CCDC180: variants seen among roughly 807,000 people sequenced by gnomAD.
CCDC180 encodes the protein coiled-coil domain-containing protein 180.
CCDC180 carries 154 observed loss-of-function variants against 209.2 expected under a neutral mutation model. That is an observed-to-expected ratio of 0.74 (90% confidence interval 0.65 to 0.84). The LOEUF (loss-of-function observed/expected upper bound fraction) is 0.84. Among genes scored for constraint, CCDC180 ranks in the 40% least tolerant of loss-of-function variants. The probability of loss-of-function intolerance (pLI) is 0.00; values close to 1 mark genes in which losing one functional copy is unlikely to be tolerated. For synonymous variants in CCDC180, 778 were observed against 749.1 expected (o/e 1.04, Z -0.63); for missense variants, 1,874 against 1,997.3 (o/e 0.94, Z 1.18).
chr9:97,350,402 C>T lies in CCDC180; in HGVS notation c.2856-7C>T. The T allele has an allele frequency of 2.0e-6, 3 of 1,535,100 alleles. No individual in the cohort carries two copies. The highest frequency in any genetic ancestry group is 1.2e-5 in the South Asian group (1 of 83,964). On this transcript the variant is annotated splice_polypyrimidine_tract_variant and splice_region_variant and intron_variant, in intron 21 of 36. Transcript: ENST00000529487. Reference sequence around the variant, plus strand: ...TCACTGTCCTGTTCCTCCTCTGTCTCCCACAGGCTGGTCACTCTCAGCAAC... The same window carrying T: ...TCACTGTCCTGTTCCTCCTCTGTCTTCCACAGGCTGGTCACTCTCAGCAAC...
chr9:97,364,331 T>C, intron 29 of CCDC180: 1 of 517,188 alleles, frequency 1.9e-6, no homozygotes, highest in East Asian at 3.6e-5. Context: ...TTCATCAACA[T>C]TTCACATTTT....
intron 8 of CCDC180, among the ~76,000 whole-genome samples, chr9:97,315,887 A>T (rs1160721409): frequency 6.6e-6 from 1 of 152,220 alleles, no homozygotes; most frequent in Non-Finnish European, 1.5e-5. Context: ...TCCACTTACG[A>T]TAGGGTCACA....
At chr9:97,369,145 G>A (rs1300612696) in intron 31 of CCDC180, 2 of 152,114 alleles carry the variant, frequency 1.3e-5, no homozygotes, top group Non-Finnish European at 2.9e-5. Flanking sequence ...TTGGTGAACT[G>A]GAAGGCAAAT....
chr9:97,309,690 A>G, intron 3 of CCDC180, 86 bp downstream of exon 3: 1 of 1,134,516 alleles, frequency 8.8e-7, no homozygotes, highest in Non-Finnish European at 1.2e-6. Context: ...CAAGATGAGT[A>G]GCCTGTAGGA....
rs1447853658 is a variant in CCDC180, at chr9:97,330,213, A to G, written c.1828+20A>G. ...AACCAGGTAACACTTTTTCAATTCA[A>G]GTTTTATTCTCCCAGACTTCACTCT... is the stretch of plus-strand genomic sequence containing the variant. On this transcript the variant is annotated intron_variant, in intron 17 of 36. Transcript: ENST00000529487. The G allele has an allele frequency of 1.2e-6, 2 of 1,613,542 alleles. No individual in the cohort carries two copies. The highest frequency in any genetic ancestry group is 1.7e-6 in the Non-Finnish European group (2 of 1,179,736).
In CCDC180 at chr9:97,309,531, A is replaced by G. The variant is rs761850815; in HGVS notation, c.187A>G (p.Met63Val). ...KKVETPEGEV[M>V]SPRQQKWMHS... ...GGTGGAGACTCCTGAAGGGGAGGTGATGTCTCCCCGACAGCAGAAGTGGAT... is the reference window on the plus strand; with the variant it reads ...GGTGGAGACTCCTGAAGGGGAGGTGGTGTCTCCCCGACAGCAGAAGTGGAT... The change falls in exon 3 of 37, where the codon ATG (methionine) becomes GTG (valine). Residue 63 changes from methionine to valine, a missense_variant. Transcript: ENST00000529487. 2 of 1,600,816 alleles carry G rather than the reference A, an allele frequency of 1.2e-6. No homozygotes were observed. Among genetic ancestry groups the G allele is most frequent in the Non-Finnish European group, 1.7e-6 (2 of 1,174,270 alleles).
intron 8 of CCDC180, among the ~76,000 whole-genome samples, chr9:97,316,794 G>A (rs1833187371): frequency 6.6e-6 from 1 of 152,186 alleles, no homozygotes; most frequent in Non-Finnish European, 1.5e-5. Context: ...CAAACCATCT[G>A]AAGTGACCTT....
At chr9:97,327,270 C>T (rs1318146098) in intron 15 of CCDC180, among the ~76,000 whole-genome samples, 1 of 152,174 alleles carries the variant, frequency 6.6e-6, no homozygotes, top group Non-Finnish European at 1.5e-5. Context: ...TTCCTGCCCA[C>T]TTTTCCTTTT....
chr9:97,336,221 T>A (rs976680818), intron 18 of CCDC180, among the ~76,000 whole-genome samples: 2 of 152,210 alleles, frequency 1.3e-5, no homozygotes, highest in African/African-American at 2.4e-5. Flanking sequence ...GGTGTTTTAG[T>A]CATGAAGTCC....
Position 97,326,682 on chromosome 9 carries a change from G to C in CCDC180, c.1661+13G>C. 6.6e-7 allele frequency: 1 copy of C among 1,510,076 alleles called. No individual in the cohort carries two copies. Among genetic ancestry groups the C allele is most frequent in the Non-Finnish European group, 9.2e-7 (1 of 1,084,982 alleles). 93.5% of individuals were successfully genotyped at this position (1,510,076 alleles called of 1,614,324 possible). On this transcript the variant is annotated intron_variant, in intron 15 of 36. Coordinates refer to ENST00000529487, the MANE Select transcript of CCDC180 (RefSeq NM_020893.6). ...ACATGAAATCCAGGTAGGCCAACCA[G>C]ACTCCAGAAGGCAGGAAGGGATGGT...
chr9:97,376,533 C>T, intron 36 of CCDC180: 1 of 445,844 alleles, frequency 2.2e-6, no homozygotes, highest in Non-Finnish European at 4.1e-6. Flanking sequence ...GCTCAGCCTC[C>T]TTCTAGCTGG....
At position 97,314,513 on chromosome 9, in the gene CCDC180, A is replaced by G; in HGVS notation, c.580A>G (p.Thr194Ala). The change falls in exon 6 of 37, where the codon ACC (threonine) becomes GCC (alanine). Residue 194 changes from threonine to alanine, a missense_variant. Physicochemically the swap from Thr to Ala is moderately conservative, Grantham distance 58 (BLOSUM62 0). Transcript: ENST00000529487. ...AAATGACACCAACCTTGAGGACTAC[A>G]CCATCCAAGTAGGGGTCCCTTCGTG... ...VENDTNLEDY[T>A]IQALLELWDK... 3 of 1,614,102 alleles carry G rather than the reference A, an allele frequency of 1.9e-6. No individual in the cohort carries two copies. The highest frequency in any genetic ancestry group is 2.5e-6 in the Non-Finnish European group (3 of 1,180,016).
rs1827296427 is a variant in CCDC180 at position 97,377,793 on chromosome 9, C to T, written c.*899C>T. ...GCAATCTCCTGTTCTTTTCTGTGCTCCCCCCACCCCCACCCCAATGTGCTA... is the reference window on the plus strand; with the variant it reads ...GCAATCTCCTGTTCTTTTCTGTGCTTCCCCCACCCCCACCCCAATGTGCTA... On this transcript the variant is annotated 3_prime_UTR_variant, in exon 37 of 37. Transcript: ENST00000529487. 6.6e-6 allele frequency: 1 copy of T among 151,612 alleles called. No individual in the cohort carries two copies. Among genetic ancestry groups the T allele is most frequent in the Non-Finnish European group, 1.5e-5 (1 of 67,952 alleles). 9.4% of individuals were successfully genotyped at this position (151,612 alleles called of 1,614,324 possible).
intron 18 of CCDC180, among the ~76,000 whole-genome samples, chr9:97,338,970 A>G (rs1165255561): frequency 2.0e-5 from 3 of 152,114 alleles, no homozygotes; most frequent in Non-Finnish European, 4.4e-5. Flanking sequence ...ATCAGAGACT[A>G]GGATTGTAAC....
intron 8 of CCDC180, among the ~76,000 whole-genome samples, chr9:97,316,143 T>C (rs1239132795): frequency 6.6e-6 from 1 of 152,230 alleles, no homozygotes; most frequent in Non-Finnish European, 1.5e-5. Flanking sequence ...AGGATTTCAG[T>C]GTCCCGGATG....
chr9:97,322,772 A>T, intron 11 of CCDC180, 61 bp from the exon 12 acceptor site: 1 of 1,380,496 alleles, frequency 7.2e-7, no homozygotes, highest in Non-Finnish European at 1.0e-6. Flanking sequence ...CAAAGGGGAC[A>T]CTCCCCTTTC....
chr9:97,328,172 A>G, intron 16 of CCDC180, 26 bp downstream of exon 16: 1 of 1,609,244 alleles, frequency 6.2e-7, no homozygotes, highest in Non-Finnish European at 8.5e-7. Context: ...TGATACACCC[A>G]GCCACTCATG....
chr9:97,316,006 G>T (rs1833160449), intron 8 of CCDC180, among the ~76,000 whole-genome samples: 1 of 152,124 alleles, frequency 6.6e-6, no homozygotes, highest in Non-Finnish European at 1.5e-5. Context: ...TCGTAAGTCG[G>T]GGACTGCCTG....
At chr9:97,343,623 AT>A in intron 19 of CCDC180, 60 bp downstream of exon 19, 4 of 1,253,068 alleles carry the variant, frequency 3.2e-6, no homozygotes, top group Middle Eastern at 2.1e-4. Context: ...ACAAGGTGAA[AT>A]ATTAAAAAAA....
Sources: allele counts gnomAD v4.1 joint callset (sites outside exome capture counted in the v4.1 genomes callset), GRCh38; gene constraint gnomAD v4.1.1; transcripts MANE v1.5; gene names NCBI Gene and HGNC (gene_info 2026-07-23, HGNC 2026-07-21).